The following DLGAP1 variants were observed in gnomAD, a reference collection of about 807,000 sequenced individuals.
The protein encoded by DLGAP1 is disks large-associated protein 1.
In DLGAP1, 11 loss-of-function variants were observed where a neutral mutation model predicts 90.8. The observed-to-expected ratio is 0.12, with a 90% CI of 0.08 to 0.20. The LOEUF (loss-of-function observed/expected upper bound fraction) is 0.20. Among genes scored for constraint, DLGAP1 ranks in the 10% least tolerant of loss-of-function variants. DLGAP1 has a pLI of 1.00. For missense variants in DLGAP1, 1,050 were observed against 1,333.8 expected (o/e 0.79, Z 3.31); for synonymous variants, 558 against 540.7 (o/e 1.03, Z -0.44).
At chr18:4,033,740 CTTTT>C (rs34275416) in intron 2 of DLGAP1, among the ~76,000 whole-genome samples, 1 of 139,898 alleles carries the variant, frequency 7.1e-6, no homozygotes. Flanking sequence ...AGTTTAGCAA[CTTTT>C]TTTTTTTTTT....
intron 1 of DLGAP1, among the ~76,000 whole-genome samples, chr18:4,224,143 C>T (rs988107331): frequency 6.6e-5 from 10 of 152,130 alleles, no homozygotes; most frequent in East Asian, 1.9e-4. Context: ...GGATTCATCA[C>T]GGGCTGACTA....
At chr18:3,792,696 C>T (rs2065793634) in intron 5 of DLGAP1, among the ~76,000 whole-genome samples, 2 of 152,198 alleles carry the variant, frequency 1.3e-5, no homozygotes, top group African/African-American at 4.8e-5. Flanking sequence ...GGCCACACCT[C>T]ACCATACAGG....
At chr18:4,033,974 T>G (rs964509912) in intron 2 of DLGAP1, among the ~76,000 whole-genome samples, 1 of 151,180 alleles carries the variant, frequency 6.6e-6, no homozygotes, top group Non-Finnish European at 1.5e-5. Context: ...CCGGACCTCG[T>G]GATCTGCCCG....
Position 4,371,199 on chromosome 18 carries a change from T to C in DLGAP1, c.-267+83807A>G, listed in dbSNP as rs930703363. Among the ~76,000 whole-genome samples the C allele has an allele frequency of 7.9e-5, 12 of 152,212 alleles. 1 individual carries two copies. The highest frequency in any genetic ancestry group is 2.9e-4 in the African/African-American group (12 of 41,446). ...AGACTGCCAATATCCTCACGGAGTTTATAGTCTAGCCAACAAAACAGACAA... is the reference window on the plus strand; with the variant it reads ...AGACTGCCAATATCCTCACGGAGTTCATAGTCTAGCCAACAAAACAGACAA... On this transcript the variant is annotated intron_variant, in intron 1 of 12. Coordinates refer to ENST00000315677, the MANE Select transcript of DLGAP1 (RefSeq NM_004746.4).
chr18:3,603,282 G>C (rs1162021039), intron 7 of DLGAP1: 1 of 151,962 alleles, frequency 6.6e-6, no homozygotes, highest in Non-Finnish European at 1.5e-5. Context: ...TCAAACCTCA[G>C]CCCAGGGTAA....
At chr18:4,416,105 T>A (rs1419693880) in intron 1 of DLGAP1, among the ~76,000 whole-genome samples, 1 of 121,408 alleles carries the variant, frequency 8.2e-6, no homozygotes, top group African/African-American at 3.5e-5. Context: ...ATATATTGTA[T>A]GCTTCAGAAC....
chr18:3,616,284 T>C (rs1199229179), intron 7 of DLGAP1, among the ~76,000 whole-genome samples: 1 of 152,200 alleles, frequency 6.6e-6, no homozygotes, highest in Non-Finnish European at 1.5e-5. Flanking sequence ...GCACGTATTT[T>C]AGGATGTGTG....
chr18:4,149,259 A>G (rs936005472), intron 2 of DLGAP1, among the ~76,000 whole-genome samples: 7 of 152,176 alleles, frequency 4.6e-5, no homozygotes, highest in Non-Finnish European at 1.0e-4. Context: ...CACTTAGCTG[A>G]CACTATGCCA....
chr18:4,120,877 GT>G (rs1314667400), intron 2 of DLGAP1, among the ~76,000 whole-genome samples: 2 of 151,776 alleles, frequency 1.3e-5, no homozygotes, highest in Non-Finnish European at 2.9e-5. Flanking sequence ...TAGGCACTTC[GT>G]TACTAGGCTA....
chr18:4,376,703 T>C (rs554294221), intron 1 of DLGAP1, among the ~76,000 whole-genome samples: 4 of 152,332 alleles, frequency 2.6e-5, no homozygotes, highest in African/African-American at 9.6e-5. Context: ...AGAACGATTC[T>C]GAGCACTTGG....
In DLGAP1 at chr18:3,729,530, T is replaced by C. The variant is rs1407707080; in HGVS notation, c.1351-155A>G. Reference sequence around the variant, plus strand: ...ATTTCCTTTCTGTTACAGGCTATAATTGAATGGCATCCGCTTATAATTCCA... The same window carrying C: ...ATTTCCTTTCTGTTACAGGCTATAACTGAATGGCATCCGCTTATAATTCCA... On this transcript the variant is annotated intron_variant, in intron 6 of 12. Transcript: ENST00000315677. This position sits in a 1 kb window ranked among gnomAD's most constrained non-coding sequence, Gnocchi z 6.2. 1.3e-5 allele frequency among the ~76,000 whole-genome samples: 2 copies of C among 152,206 alleles called. No homozygotes were observed. The highest frequency in any genetic ancestry group is 2.9e-5 in the Non-Finnish European group (2 of 68,032).
intron 1 of DLGAP1, among the ~76,000 whole-genome samples, chr18:4,328,690 CCTCA>C (rs938694076): frequency 4.6e-5 from 7 of 152,024 alleles, no homozygotes; most frequent in Admixed American, 1.3e-4. Flanking sequence ...TGCTTTGCAT[CCTCA>C]CTATCATTTA....
intron 2 of DLGAP1, among the ~76,000 whole-genome samples, chr18:4,097,046 C>T (rs1399814144): frequency 1.3e-5 from 2 of 152,234 alleles, no homozygotes; most frequent in African/African-American, 4.8e-5. Context: ...AGCTTATCTT[C>T]TGTTTTGTTT....
chr18:4,094,424 C>A (rs946222495), intron 2 of DLGAP1, among the ~76,000 whole-genome samples: 40 of 151,996 alleles, frequency 2.6e-4, no homozygotes, highest in Non-Finnish European at 1.0e-4. Context: ...CTTTATCTTG[C>A]ATTTCAGTTG....
chr18:3,892,799 C>T (rs2071505921), intron 3 of DLGAP1, among the ~76,000 whole-genome samples: 1 of 151,678 alleles, frequency 6.6e-6, no homozygotes, highest in Non-Finnish European at 1.5e-5. Context: ...TCTTCAAAGA[C>T]AAGGTTTTTA....
chr18:4,224,021 A>G (rs1007550942), intron 1 of DLGAP1, among the ~76,000 whole-genome samples: 1 of 152,230 alleles, frequency 6.6e-6, no homozygotes, highest in Non-Finnish European at 1.5e-5. Context: ...TAGAACACTG[A>G]GCAGAGTCCT....
At chr18:4,071,414 T>G (rs1019009181) in intron 2 of DLGAP1, among the ~76,000 whole-genome samples, 2 of 152,166 alleles carry the variant, frequency 1.3e-5, no homozygotes, top group Non-Finnish European at 1.5e-5. Context: ...GTAATTATCT[T>G]AAGTTCTGCT....
rs1354878215 is a variant in DLGAP1, at chr18:3,583,139, G to GACCT, written c.1592-892_1592-891insAGGT. On this transcript the variant is annotated intron_variant, in intron 7 of 12. Coordinates refer to ENST00000315677, the MANE Select transcript of DLGAP1 (RefSeq NM_004746.4). ...CACCTTTCTGTCTTTCTGCCTGACT[G>GACCT]ACCGACCTACCTACCTACCTACCTA... Among the ~76,000 whole-genome samples the GACCT allele has an allele frequency of 7.8e-5, 9 of 115,878 alleles. No homozygotes were observed. The East Asian group carries it at 1.6e-3, about 21-fold the overall frequency. 76.0% of individuals were successfully genotyped at this position (115,878 alleles called of 152,430 possible).
chr18:4,073,885 C>T (rs1266855963), intron 2 of DLGAP1, among the ~76,000 whole-genome samples: 1 of 151,812 alleles, frequency 6.6e-6, no homozygotes, highest in East Asian at 1.9e-4. Context: ...CACAAACAAC[C>T]AATTAAGACT....
Sources: allele counts gnomAD v4.1 joint callset (sites outside exome capture counted in the v4.1 genomes callset), GRCh38; gene constraint gnomAD v4.1.1; non-coding constraint Gnocchi (gnomAD v3.1); transcripts MANE v1.5; gene names NCBI Gene and HGNC (gene_info 2026-07-23, HGNC 2026-07-21).